NRXN3: variants seen among roughly 807,000 people sequenced by gnomAD.
NRXN3 encodes the protein neurexin 3.
NRXN3 carries 32 observed loss-of-function variants against 137.6 expected under a neutral mutation model. The ratio of observed to expected loss-of-function variants is 0.23; its 90% confidence interval spans 0.18 to 0.31. The LOEUF (loss-of-function observed/expected upper bound fraction) is 0.31, where lower values mean the gene tolerates loss of function less well. Ranked by LOEUF, NRXN3 falls within the 10% of genes least tolerant of loss-of-function variation. NRXN3 has a pLI of 1.00. For missense variants in NRXN3, 1,574 were observed against 2,062.5 expected, an observed-to-expected ratio of 0.76 and a Z score of 4.59; for synonymous variants, 798 against 784.5, an observed-to-expected ratio of 1.02 and a Z score of -0.29.
chr14:78,525,479 C>T (rs2096364009), intron 4 of NRXN3, among the ~76,000 whole-genome samples: 2 of 152,176 alleles, frequency 1.3e-5, no homozygotes, highest in African/African-American at 4.8e-5. Context: ...GGGCATCCTT[C>T]ATTTACCATA....
At chr14:78,591,544 T>C (rs1199477401) in intron 4 of NRXN3, among the ~76,000 whole-genome samples, 1 of 152,130 alleles carries the variant, frequency 6.6e-6, no homozygotes, top group Non-Finnish European at 1.5e-5. Flanking sequence ...ATCATAGTGA[T>C]AAAGGGAAAT....
chr14:79,127,491 T>C (rs903817685), intron 15 of NRXN3, among the ~76,000 whole-genome samples: 33 of 152,320 alleles, frequency 2.2e-4, no homozygotes, highest in Middle Eastern at 3.4e-3. Flanking sequence ...GTTGTAGATA[T>C]GCGGCGTTAT....
At chr14:78,377,067 A>C (rs931380326) in intron 4 of NRXN3, among the ~76,000 whole-genome samples, 1 of 152,242 alleles carries the variant, frequency 6.6e-6, no homozygotes, top group Admixed American at 6.5e-5. Context: ...CTTAAGCCCC[A>C]ACATAACAAT....
At chr14:78,886,601 A>G (rs1222061742) in intron 10 of NRXN3, among the ~76,000 whole-genome samples, 1 of 152,126 alleles carries the variant, frequency 6.6e-6, no homozygotes, top group Non-Finnish European at 1.5e-5. Flanking sequence ...CCTTGGGGAA[A>G]GTCATAATGG....
At chr14:78,894,488 A>G (rs1276422410) in intron 10 of NRXN3, among the ~76,000 whole-genome samples, 2 of 151,842 alleles carry the variant, frequency 1.3e-5, no homozygotes, top group African/African-American at 4.8e-5. Flanking sequence ...TTCTCTTGCT[A>G]CTTCCACCAC....
At chr14:79,306,747 A>G (rs969708822) in intron 15 of NRXN3, among the ~76,000 whole-genome samples, 1 of 152,082 alleles carries the variant, frequency 6.6e-6, no homozygotes, top group African/African-American at 2.4e-5. Context: ...GCAAATTGCA[A>G]TCTCATCAGG....
chr14:79,157,577 G>C (rs574636972), intron 15 of NRXN3, among the ~76,000 whole-genome samples: 12 of 151,938 alleles, frequency 7.9e-5, no homozygotes, highest in Non-Finnish European at 1.6e-4. Flanking sequence ...GCCAAAAGCT[G>C]TCATCCTCAT....
intron 20 of NRXN3, among the ~76,000 whole-genome samples, chr14:79,814,145 G>A (rs2099244409): frequency 6.6e-6 from 1 of 152,204 alleles, no homozygotes; most frequent in Non-Finnish European, 1.5e-5. Flanking sequence ...AATTTCATGG[G>A]TCCTTGTTTT....
intron 15 of NRXN3, among the ~76,000 whole-genome samples, chr14:79,287,312 T>G (rs2082428671): frequency 6.6e-6 from 1 of 152,150 alleles, no homozygotes; most frequent in Admixed American, 6.6e-5. Context: ...CCAGGCAAAT[T>G]TTAGCATGGA....
At chr14:78,356,413 CT>C (rs1222421814) in intron 4 of NRXN3, among the ~76,000 whole-genome samples, 1 of 152,258 alleles carries the variant, frequency 6.6e-6, no homozygotes, top group Non-Finnish European at 1.5e-5. Flanking sequence ...ATATACATTA[CT>C]TTCCTCAATC....
intron 4 of NRXN3, among the ~76,000 whole-genome samples, chr14:78,349,024 G>A (rs984005586): frequency 6.6e-6 from 1 of 152,228 alleles, no homozygotes; most frequent in Non-Finnish European, 1.5e-5. Context: ...AAAATTGTTA[G>A]TGATCAGTTT....
chr14:78,603,787 G>C (rs999398273), intron 4 of NRXN3, among the ~76,000 whole-genome samples: 1 of 152,110 alleles, frequency 6.6e-6, no homozygotes, highest in African/African-American at 2.4e-5. Flanking sequence ...GGAGCACCTA[G>C]ACTAGCCCCA....
chr14:79,571,774 A>C (rs2153798418), intron 16 of NRXN3, among the ~76,000 whole-genome samples: 1 of 152,270 alleles, frequency 6.6e-6, no homozygotes, highest in South Asian at 2.1e-4. Context: ...TCTGTAGTAG[A>C]AAATTTCTAA....
At chr14:79,579,282 T>TATC (rs1277358471) in intron 16 of NRXN3, among the ~76,000 whole-genome samples, 1 of 150,036 alleles carries the variant, frequency 6.7e-6, no homozygotes, top group Admixed American at 6.7e-5. Context: ...ATCAGTGTGC[T>TATC]ATCACTTTTT....
rs186239205 is a variant in NRXN3, at chr14:78,177,311, C to T, written c.-704+6637C>T. On this transcript the variant is annotated intron_variant, in intron 1 of 20. Coordinates refer to ENST00000335750, the MANE Select transcript of NRXN3 (RefSeq NM_001330195.2). ...AGGCCTTCTACCAGTGTCTCTGTTC[C>T]ACTCTAGGGTTGGTCTTGACCTTGA... Among the ~76,000 whole-genome samples the T allele has an allele frequency of 4.6e-5, 7 of 152,204 alleles. No homozygotes were observed. The East Asian group carries it at 1.4e-3, about 29-fold the overall frequency.
intron 4 of NRXN3, among the ~76,000 whole-genome samples, chr14:78,544,685 G>A (rs2096621988): frequency 6.6e-6 from 1 of 152,152 alleles, no homozygotes; most frequent in African/African-American, 2.4e-5. Flanking sequence ...CTTCAAACTT[G>A]TTCACATCAT....
intron 15 of NRXN3, among the ~76,000 whole-genome samples, chr14:79,435,392 A>T (rs185684974): frequency 3.9e-5 from 6 of 152,104 alleles, no homozygotes; most frequent in Non-Finnish European, 7.4e-5. Context: ...AATAGGAAAA[A>T]ATCTTTTGTG....
chr14:78,676,184 C>T (rs765357766), intron 6 of NRXN3, among the ~76,000 whole-genome samples: 1 of 152,012 alleles, frequency 6.6e-6, no homozygotes, highest in South Asian at 2.1e-4. Context: ...ACATTTCTCG[C>T]TTTAAATCAA....
intron 6 of NRXN3, among the ~76,000 whole-genome samples, chr14:78,689,221 TTTC>T (rs2098148953): frequency 6.6e-6 from 1 of 152,124 alleles, no homozygotes; most frequent in Non-Finnish European, 1.5e-5. Flanking sequence ...TCGTTGTATT[TTTC>T]TTCTTTTTTA....
Sources: gnomAD v4.1 joint callset for allele counts (sites outside exome capture counted in the v4.1 genomes callset) on GRCh38, gnomAD v4.1.1 for gene constraint, MANE v1.5 for transcripts, NCBI Gene and HGNC (gene_info 2026-07-23, HGNC 2026-07-21) for gene names.